The following TBXA2R variants were observed in gnomAD, a reference collection of about 807,000 sequenced individuals.
The protein encoded by TBXA2R is prostanoid TP receptor.
TBXA2R carries 15 observed loss-of-function variants against 15.6 expected under a neutral mutation model. The observed-to-expected ratio is 0.96, with a 90% CI of 0.64 to 1.48. The LOEUF (loss-of-function observed/expected upper bound fraction) is 1.48. TBXA2R is among the 40% of genes most tolerant of loss of function. The pLI is 0.00. For missense variants in TBXA2R, 506 were observed against 491.4 expected (o/e 1.03, Z -0.28); for synonymous variants, 280 against 241.2 (o/e 1.16, Z -1.49).
chr19:3,605,113 G>C (rs988048051), intron 1 of TBXA2R, among the ~76,000 whole-genome samples: 1 of 152,326 alleles, frequency 6.6e-6, no homozygotes, highest in South Asian at 2.1e-4. Context: ...GCCAGACTCC[G>C]GCCAGCCTTG....
rs200113619 is a variant in TBXA2R, at chr19:3,595,660, G to A, written c.*28C>T. 255 of 1,551,294 alleles carry A rather than the reference G, an allele frequency of 1.6e-4. No individual in the cohort carries two copies. Among genetic ancestry groups the A allele is most frequent in the Non-Finnish European group, 2.1e-4 (242 of 1,145,574 alleles). On this transcript the variant is annotated 3_prime_UTR_variant, in exon 3 of 3. Transcript: ENST00000375190. ...CGAGGGGCCAAGGGCTCCGCGGAAA[G>A]GCGCGGGAGGGGCGCTCTGTCCACT...
At chr19:3,595,972 C>T in intron 2 of TBXA2R, 39 bp from the exon 3 acceptor site, 1 of 1,559,588 alleles carries the variant, frequency 6.4e-7, no homozygotes, top group Non-Finnish European at 8.7e-7. Flanking sequence ...CCCCCGCCTC[C>T]AGCCCCGCCC....
Position 3,594,823 on chromosome 19 carries a change from C to T in TBXA2R, c.*865G>A, listed in dbSNP as rs537821952. Reference sequence around the variant, plus strand: ...TATATTTTGGCAAGAAAAGGGGGTGCCCCCGTTCACATTCAATCCTTTCTG... The same window carrying T: ...TATATTTTGGCAAGAAAAGGGGGTGTCCCCGTTCACATTCAATCCTTTCTG... On this transcript the variant is annotated 3_prime_UTR_variant, in exon 3 of 3. Coordinates refer to ENST00000375190, the MANE Select transcript of TBXA2R (RefSeq NM_001060.6). 1.3e-6 allele frequency: 2 copies of T among 1,531,258 alleles called. No individual in the cohort carries two copies. Among genetic ancestry groups the T allele is most frequent in the African/African-American group, 1.4e-5 (1 of 73,004 alleles). The allele number at this position is 1,531,258 out of a possible 1,614,324, so 94.9% of individuals were successfully genotyped here.
At position 3,600,263 on chromosome 19, in the gene TBXA2R, G is replaced by C; in HGVS notation, c.372C>G (p.Ala124=). The change falls in exon 2 of 3, where the codon GCC becomes GCG. Residue 124 remains alanine (A), a synonymous_variant. Transcript: ENST00000375190. ...CCAGGTAGCGCTCTGAGGCCATGGC[G>C]GCCCCCAGCAGCAGCGGGGACAGGC... is the stretch of plus-strand genomic sequence containing the variant. The part of the protein sequence containing the change: ...FFGLSPLLLG[A]AMASERYLGI... 1 of 1,612,306 alleles carries C rather than the reference G, an allele frequency of 6.2e-7. No individual in the cohort carries two copies. Among genetic ancestry groups the C allele is most frequent in the Non-Finnish European group, 8.5e-7 (1 of 1,179,642 alleles).
Position 3,600,678 on chromosome 19 carries a change from A to G in TBXA2R, c.-44T>C, listed in dbSNP as rs982740932. The G allele has an allele frequency of 2.5e-6, 4 of 1,601,484 alleles. No individual in the cohort carries two copies. The Admixed American group carries it at 6.8e-5, about 27-fold the overall frequency. ...GATCAGTCACCACCCCATCAGGCCG[A>G]TGCTGCAGACAGGGCAGGCTGGCAC... is the stretch of plus-strand genomic sequence containing the variant. On this transcript the variant is annotated 5_prime_UTR_variant, in exon 2 of 3. Transcript: ENST00000375190.
Position 3,600,547 on chromosome 19 carries a change from AC to A in TBXA2R, c.87del (p.Trp29CysfsTer18). 6.2e-7 allele frequency: 1 copy of A among 1,611,908 alleles called. No individual in the cohort carries two copies. ...LEERRLIASP[W>X]FAASFCVVGL... The stretch of plus-strand genomic sequence containing the variant: ...CCCACCACGCAGAAGGAGGCGGCGA[AC>A]CAGGGCGAGGCGATCAGCCGTCTCT... On this transcript the variant is annotated frameshift_variant, in exon 2 of 3. Transcript: ENST00000375190. LOFTEE classifies it high-confidence loss of function.
chr19:3,595,562 C>T lies in TBXA2R; in HGVS notation c.*126G>A. 6.9e-7 allele frequency: 1 copy of T among 1,448,126 alleles called. No homozygotes were observed. 89.7% of individuals were successfully genotyped at this position (1,448,126 alleles called of 1,614,324 possible). The stretch of plus-strand genomic sequence containing the variant: ...GGGTTGGATTGGGGTCAACCCAAAA[C>T]CCTGCTGCTGATGCCCACTGTCCAT... On this transcript the variant is annotated 3_prime_UTR_variant, in exon 3 of 3. Transcript: ENST00000375190.
At chr19:3,605,239 G>C (rs997902795) in intron 1 of TBXA2R, among the ~76,000 whole-genome samples, 1 of 152,228 alleles carries the variant, frequency 6.6e-6, no homozygotes, top group East Asian at 1.9e-4. Flanking sequence ...AGGGACCAGG[G>C]GGCGGGACCC....
intron 1 of TBXA2R, among the ~76,000 whole-genome samples, chr19:3,602,241 C>T (rs1326348118): frequency 3.3e-5 from 5 of 152,100 alleles, no homozygotes; most frequent in Middle Eastern, 3.4e-3. Flanking sequence ...CAAAACAAAA[C>T]CAGCTCCCCA....
At chr19:3,604,836 G>A (rs1245763275) in intron 1 of TBXA2R, among the ~76,000 whole-genome samples, 3 of 152,144 alleles carry the variant, frequency 2.0e-5, no homozygotes, top group South Asian at 2.1e-4. Flanking sequence ...CTGAGGCTCC[G>A]TGTCACCCCT....
At position 3,595,568 on chromosome 19, in the gene TBXA2R, T is replaced by C; in HGVS notation, c.*120A>G. The stretch of plus-strand genomic sequence containing the variant: ...GATTGGGGTCAACCCAAAACCCTGC[T>C]GCTGATGCCCACTGTCCATCCAGCA... On this transcript the variant is annotated 3_prime_UTR_variant, in exon 3 of 3. Transcript: ENST00000375190. 2.1e-6 allele frequency: 3 copies of C among 1,449,852 alleles called. No individual in the cohort carries two copies. Among genetic ancestry groups the C allele is most frequent in the Non-Finnish European group, 2.7e-6 (3 of 1,102,574 alleles). The allele number at this position is 1,449,852 out of a possible 1,614,324, so 89.8% of individuals were successfully genotyped here. A position where few individuals can be genotyped will look rare whatever the true frequency, so the allele number is the denominator to read the frequency against.
intron 2 of TBXA2R, among the ~76,000 whole-genome samples, chr19:3,599,343 T>A (rs997386036): frequency 7.0e-5 from 10 of 141,942 alleles, no homozygotes; most frequent in South Asian, 2.2e-4. Context: ...TTTATTTTTT[T>A]TTTTGAGACG....
rs2032571758 is a variant in TBXA2R, at chr19:3,595,134, T to TTTGG, written c.*550_*553dup. The TTTGG allele has an allele frequency of 3.0e-6, 2 of 656,386 alleles. No homozygotes were observed. The highest frequency in any genetic ancestry group is 2.5e-6 in the Non-Finnish European group (1 of 399,964). The allele number at this position is 656,386 out of a possible 1,614,324, so 40.7% of individuals were successfully genotyped here. A position where few individuals can be genotyped will look rare whatever the true frequency, so the allele number is the denominator to read the frequency against. ...TGGTTCATGCCTGTGATCCCAGCAC[T>TTTGG]TTGGGAGGCTGAGGCTGGTGAATCA... On this transcript the variant is annotated 3_prime_UTR_variant, in exon 3 of 3. Coordinates refer to ENST00000375190, the MANE Select transcript of TBXA2R (RefSeq NM_001060.6).
chr19:3,596,487 C>A (rs1160455725), intron 2 of TBXA2R, among the ~76,000 whole-genome samples: 1 of 152,132 alleles, frequency 6.6e-6, no homozygotes, highest in African/African-American at 2.4e-5. Flanking sequence ...GAGAGAATCA[C>A]TTGAGCCCAG....
chr19:3,595,438 G>A lies in TBXA2R; in HGVS notation c.*250C>T, dbSNP rs1438676031. On this transcript the variant is annotated 3_prime_UTR_variant, in exon 3 of 3. Coordinates refer to ENST00000375190, the MANE Select transcript of TBXA2R (RefSeq NM_001060.6). Reference sequence around the variant, plus strand: ...TGTCTGCATGCCCTTCCTGGGGTTGGGAGGGACGCAGAGAAGGGGTGGGAG... The same window carrying A: ...TGTCTGCATGCCCTTCCTGGGGTTGAGAGGGACGCAGAGAAGGGGTGGGAG... 7.1e-7 allele frequency: 1 copy of A among 1,412,280 alleles called. No individual in the cohort carries two copies. The highest frequency in any genetic ancestry group is 9.2e-7 in the Non-Finnish European group (1 of 1,088,226). The allele number at this position is 1,412,280 out of a possible 1,614,324, so 87.5% of individuals were successfully genotyped here. A position where few individuals can be genotyped will look rare whatever the true frequency, so the allele number is the denominator to read the frequency against.
chr19:3,597,509 T>C (rs978876712), intron 2 of TBXA2R, among the ~76,000 whole-genome samples: 5 of 152,128 alleles, frequency 3.3e-5, no homozygotes, highest in African/African-American at 1.2e-4. Flanking sequence ...TGCACACCTG[T>C]AGTCCCAGCT....
At position 3,595,004 on chromosome 19, in the gene TBXA2R, C is replaced by T. The variant is rs1483194083; in HGVS notation, c.*684G>A. 3.0e-5 allele frequency: 44 copies of T among 1,459,076 alleles called. No individual in the cohort carries two copies. The Admixed American group carries it at 3.2e-4, about 11-fold the overall frequency. 90.4% of individuals were successfully genotyped at this position (1,459,076 alleles called of 1,614,324 possible). On this transcript the variant is annotated 3_prime_UTR_variant, in exon 3 of 3. Coordinates refer to ENST00000375190, the MANE Select transcript of TBXA2R (RefSeq NM_001060.6). ...CTGAGGCACGAGAATCGCTTGAACCCGGGAGGCGGAGGTTGCAGTGAGCCG... is the reference window on the plus strand; with the variant it reads ...CTGAGGCACGAGAATCGCTTGAACCTGGGAGGCGGAGGTTGCAGTGAGCCG...
In TBXA2R at chr19:3,600,493, C is replaced by G. The variant is rs1407861033; in HGVS notation, c.142G>C (p.Val48Leu). Residue 48 changes from valine (V) to leucine (L), a missense_variant, in exon 2 of 3, where the codon GTG becomes CTG. By Grantham distance (32) the Val-to-Leu change is conservative. Transcript: ENST00000375190. ...GLASNLLALS[V>L]LAGARQGGSH... ...CCCCCCTGCCGCGCGCCCGCCAGCA[C>G]GCTCAGGGCCAGCAGGTTGGAGGCC... The G allele has an allele frequency of 2.5e-6, 4 of 1,612,834 alleles. No homozygotes were observed. Among genetic ancestry groups the G allele is most frequent in the South Asian group, 1.1e-5 (1 of 91,034 alleles).
Position 3,595,521 on chromosome 19 carries a change from G to C in TBXA2R, c.*167C>G. ...GAGTGCTTGGTAAAAGGATCAGGGA[G>C]GAGTTGGGGGTCCCCGGGTTGGATT... On this transcript the variant is annotated 3_prime_UTR_variant, in exon 3 of 3. Coordinates refer to ENST00000375190, the MANE Select transcript of TBXA2R (RefSeq NM_001060.6). 7.0e-7 allele frequency: 1 copy of C among 1,433,984 alleles called. No homozygotes were observed. The allele number at this position is 1,433,984 out of a possible 1,614,324, so 88.8% of individuals were successfully genotyped here.
Sources: gnomAD v4.1 joint callset for allele counts (sites outside exome capture counted in the v4.1 genomes callset) on GRCh38, gnomAD v4.1.1 for gene constraint, MANE v1.5 for transcripts, NCBI Gene and HGNC (gene_info 2026-07-23, HGNC 2026-07-21) for gene names.